The following CLK1 variants were observed in gnomAD, a reference collection of about 807,000 sequenced individuals.
The protein encoded by CLK1 is dual specificity protein kinase CLK1.
CLK1 carries 40 observed loss-of-function variants against 60.9 expected under a neutral mutation model. The observed-to-expected ratio is 0.66, with a 90% CI of 0.51 to 0.86. The LOEUF is 0.86. Among genes scored for constraint, CLK1 ranks in the 40% least tolerant of loss-of-function variants. The pLI, the probability that CLK1 is intolerant of heterozygous loss-of-function variation, is 0.00. For missense variants in CLK1, 563 were observed against 606.1 expected (o/e 0.93, Z 0.75); for synonymous variants, 203 against 184.4 (o/e 1.10, Z -0.82).
chr2:200,855,813 A>G (rs1409135560), intron 9 of CLK1, among the ~76,000 whole-genome samples: 3 of 151,816 alleles, frequency 2.0e-5, no homozygotes, highest in Admixed American at 6.6e-5. Flanking sequence ...GTTTGAGACC[A>G]GCCTGCCAAC....
Position 200,854,714 on chromosome 2 carries a change from C to A in CLK1, c.1141-19G>T. ...CGTGTGTCTAGAAATAAAATAAAAA[C>A]AGACTTGGGGAAGATGACCACCAAA... On this transcript the variant is annotated intron_variant, in intron 10 of 12. Transcript: ENST00000321356. The A allele has an allele frequency of 6.4e-7, 1 of 1,550,900 alleles. No individual in the cohort carries two copies. Among genetic ancestry groups the A allele is most frequent in the Non-Finnish European group, 8.9e-7 (1 of 1,124,666 alleles).
In CLK1 at chr2:200,853,877, A is replaced by C. The variant is rs1224883074; in HGVS notation, c.1311+26T>G. The C allele has an allele frequency of 2.6e-6, 4 of 1,532,170 alleles. No homozygotes were observed. In the South Asian group the frequency reaches 3.5e-5, roughly 13 times the overall value. 94.9% of individuals were successfully genotyped at this position (1,532,170 alleles called of 1,614,324 possible). ...AAACAGAAGAAACTCAGTTTTGACTATTTGAGCAATGTCTCAAAGGCTTAC... is the reference window on the plus strand; with the variant it reads ...AAACAGAAGAAACTCAGTTTTGACTCTTTGAGCAATGTCTCAAAGGCTTAC... On this transcript the variant is annotated intron_variant, in intron 12 of 12. Coordinates refer to ENST00000321356, the MANE Select transcript of CLK1 (RefSeq NM_004071.4).
chr2:200,858,654 A>G (rs145364138), intron 5 of CLK1, among the ~76,000 whole-genome samples: 3 of 152,046 alleles, frequency 2.0e-5, no homozygotes, highest in African/African-American at 7.2e-5. Flanking sequence ...CCAAGATTGC[A>G]CCACTGCACT....
At chr2:200,864,008 T>C (rs920166944) in intron 1 of CLK1, 2 of 1,386,246 alleles carry the variant, frequency 1.4e-6, no homozygotes, top group Non-Finnish European at 1.9e-6. Flanking sequence ...TTAACACCAC[T>C]GAGGACAAAG....
At chr2:200,857,413 G>A (rs2039061830) in intron 7 of CLK1, 1 of 274,818 alleles carries the variant, frequency 3.6e-6, no homozygotes, top group Non-Finnish European at 6.9e-6. Context: ...TACCTCTTAT[G>A]AAGCTTTCTT....
chr2:200,863,229 C>G (rs1398525380), intron 1 of CLK1: 1 of 152,104 alleles, frequency 6.6e-6, no homozygotes, highest in African/African-American at 2.4e-5. Context: ...TCTGATAACC[C>G]ACTACCATTG....
Position 200,855,015 on chromosome 2 carries a change from T to C in CLK1, c.1129A>G (p.Thr377Ala). The change falls in exon 10 of 13, where the codon ACC becomes GCC. Residue 377 changes from threonine (T) to alanine (A), a missense_variant. Thr to Ala is a moderately conservative substitution (Grantham distance 58). Coordinates refer to ENST00000321356, the MANE Select transcript of CLK1 (RefSeq NM_004071.4). ...CILIEYYLGF[T>A]VFPTHDSKEH... Reference sequence around the variant, plus strand: ...TCATTGTCACTTACTGGAAATACGGTAAACCCAAGATAGTATTCAATAAGA... The same window carrying C: ...TCATTGTCACTTACTGGAAATACGGCAAACCCAAGATAGTATTCAATAAGA... 1.2e-6 allele frequency: 2 copies of C among 1,611,418 alleles called. No homozygotes were observed. Among genetic ancestry groups the C allele is most frequent in the Non-Finnish European group, 1.7e-6 (2 of 1,178,894 alleles).
At chr2:200,854,055 G>A (rs2038997282) in intron 11 of CLK1, 62 bp from the exon 12 acceptor site, 2 of 1,093,444 alleles carry the variant, frequency 1.8e-6, no homozygotes, top group South Asian at 1.3e-5. Flanking sequence ...AGCTAGCAAA[G>A]GTATCAATTA....
Position 200,859,678 on chromosome 2 carries a change from AC to A in CLK1, c.548+1del. On this transcript the variant is annotated splice_donor_variant, in intron 5 of 12. Coordinates refer to ENST00000321356, the MANE Select transcript of CLK1 (RefSeq NM_004071.4). LOFTEE classifies it high-confidence loss of function. ...AAAGTAATCCCAACATGGGAAACTT[AC>A]GCTTTATGATCGATGCACTCCACAA... The A allele has an allele frequency of 6.2e-7, 1 of 1,611,754 alleles. No homozygotes were observed. Among genetic ancestry groups the A allele is most frequent in the Non-Finnish European group, 8.5e-7 (1 of 1,178,908 alleles).
At position 200,861,867 on chromosome 2, in the gene CLK1, A is replaced by G. The variant is rs1221098180; in HGVS notation, c.1-5T>C. ...AGTTCTCTTTGAGTGTCTCATCTAC[A>G]TAAAAGGCAAGTTTTTCCTAGTTAA... is the stretch of plus-strand genomic sequence containing the variant. On this transcript the variant is annotated splice_region_variant and splice_polypyrimidine_tract_variant and intron_variant, in intron 1 of 12. Transcript: ENST00000321356. 1 of 1,613,352 alleles carries G rather than the reference A, an allele frequency of 6.2e-7. No homozygotes were observed. The highest frequency in any genetic ancestry group is 8.5e-7 in the Non-Finnish European group (1 of 1,179,672).
At position 200,864,177 on chromosome 2, in the gene CLK1, C is replaced by T. The variant is rs549934568; in HGVS notation, c.-1+387G>A. The T allele has an allele frequency of 3.9e-5, 61 of 1,551,082 alleles. 1 individual carries two copies. In the South Asian group the frequency reaches 7.0e-4, roughly 18 times the overall value. ...CAGCAAATCCCCCCTCAACGGGGAG[C>T]CTCGCCTTTCCGGCCACAGGGCCGA... On this transcript the variant is annotated intron_variant, in intron 1 of 12. Coordinates refer to ENST00000321356, the MANE Select transcript of CLK1 (RefSeq NM_004071.4).
chr2:200,864,279 C>G (rs1459690874), intron 1 of CLK1: 1 of 1,489,764 alleles, frequency 6.7e-7, no homozygotes, highest in Non-Finnish European at 8.9e-7. Context: ...GACCGTCCCG[C>G]GTCAGGCGGC....
chr2:200,856,776 AAT>A lies in CLK1; in HGVS notation c.961_962del (p.Ile321Ter). 1 of 1,613,764 alleles carries A rather than the reference AAT, an allele frequency of 6.2e-7. No individual in the cohort carries two copies. Among genetic ancestry groups the A allele is most frequent in the Non-Finnish European group, 8.5e-7 (1 of 1,179,844 alleles). ...TTGCACTACCAAAGTCTACAACTTTAATATCTGGATTTATTAAGGTGCGTTCA... is the reference window on the plus strand; with the variant it reads ...TTGCACTACCAAAGTCTACAACTTTAATCTGGATTTATTAAGGTGCGTTCA... Reference protein sequence around the residue: ...RDERTLINPDIKVVDFGSATY... With the variant: ...RDERTLINPDXKVVDFGSATY... On this transcript the variant is annotated frameshift_variant, in exon 9 of 13. Coordinates refer to ENST00000321356, the MANE Select transcript of CLK1 (RefSeq NM_004071.4). LOFTEE classifies it high-confidence loss of function.
chr2:200,860,177 A>C lies in CLK1; in HGVS notation c.429T>G (p.Asp143Glu), dbSNP rs952131001. The C allele has an allele frequency of 4.3e-6, 7 of 1,613,980 alleles. No homozygotes were observed. The highest frequency in any genetic ancestry group is 1.7e-5 in the Admixed American group (1 of 59,990). ...HRRKRTRSVEDDEEGHLICQS... is the reference protein window; with the variant it reads ...HRRKRTRSVEEDEEGHLICQS... ...GACAGATCAGGTGACCCTCCTCATC[A>C]TCCTCTACACTCCTGGTTCTTTTCC... The change falls in exon 4 of 13, where the codon GAT becomes GAG. Residue 143 changes from aspartate to glutamate, a missense_variant. Asp to Glu is a conservative substitution (Grantham distance 45). Transcript: ENST00000321356.
chr2:200,853,929 C>T lies in CLK1; in HGVS notation c.1285G>A (p.Val429Ile). Residue 429 changes from valine (V) to isoleucine (I), a missense_variant, in exon 12 of 13, where the codon GTT (valine) becomes ATT (isoleucine). Val to Ile is a conservative substitution (Grantham distance 29, BLOSUM62 3). Transcript: ENST00000321356. The stretch of plus-strand genomic sequence containing the variant: ...TTCAGAGGTTTACAGCGTCTTGAAA[C>T]ATATCTGCCGGCAGAACTGTGTTCA... The part of the protein sequence containing the change: ...WDEHSSAGRY[V>I]SRRCKPLKEF... 2 of 1,612,554 alleles carry T rather than the reference C, an allele frequency of 1.2e-6. No individual in the cohort carries two copies. The highest frequency in any genetic ancestry group is 1.7e-6 in the Non-Finnish European group (2 of 1,179,262).
intron 3 of CLK1, chr2:200,860,474 C>A: frequency 8.3e-7 from 1 of 1,203,358 alleles, no homozygotes; most frequent in Non-Finnish European, 1.0e-6. Flanking sequence ...GGCAACAAAA[C>A]ATAATACAAT....
chr2:200,854,690 G>GT lies in CLK1; in HGVS notation c.1145dup (p.His382GlnfsTer3). 1 of 1,599,146 alleles carries GT rather than the reference G, an allele frequency of 6.3e-7. No individual in the cohort carries two copies. Among genetic ancestry groups the GT allele is most frequent in the African/African-American group, 1.3e-5 (1 of 74,676 alleles). The stretch of plus-strand genomic sequence containing the variant: ...TCATTGCTAAATGCTCCTTACTATC[G>GT]TGTGTCTAGAAATAAAATAAAAACA... On this transcript the variant is annotated frameshift_variant, in exon 11 of 13. Coordinates refer to ENST00000321356, the MANE Select transcript of CLK1 (RefSeq NM_004071.4). LOFTEE classifies it high-confidence loss of function.
chr2:200,856,866 T>C, intron 8 of CLK1, 25 bp downstream of exon 8: 1 of 1,613,844 alleles, frequency 6.2e-7, no homozygotes, highest in African/African-American at 1.3e-5. Context: ...CATAAGATAC[T>C]TTATGAATAT....
At chr2:200,864,280 G>T (rs889478105) in intron 1 of CLK1, 22 of 1,490,114 alleles carry the variant, frequency 1.5e-5, no homozygotes, top group Non-Finnish European at 2.0e-5. Context: ...ACCGTCCCGC[G>T]TCAGGCGGCG....
Sources: allele counts gnomAD v4.1 joint callset (sites outside exome capture counted in the v4.1 genomes callset), GRCh38; gene constraint gnomAD v4.1.1; transcripts MANE v1.5; gene names NCBI Gene and HGNC (gene_info 2026-07-23, HGNC 2026-07-21).